The following GPHN variants were observed in gnomAD, a reference collection of about 807,000 sequenced individuals.
GPHN encodes gephyrin.
GPHN carries 17 observed loss-of-function variants against 95.5 expected under a neutral mutation model. The ratio of observed to expected loss-of-function variants is 0.18; its 90% confidence interval spans 0.12 to 0.27. The LOEUF is 0.27. Among genes scored for constraint, GPHN ranks in the 10% least tolerant of loss-of-function variants. The probability of loss-of-function intolerance (pLI) is 1.00; values close to 1 mark genes in which losing one functional copy is unlikely to be tolerated. For missense variants in GPHN, 660 were observed against 978.1 expected, an observed-to-expected ratio of 0.67 and a Z score of 4.34; for synonymous variants, 320 against 322.5, an observed-to-expected ratio of 0.99 and a Z score of 0.08.
chr14:67,232,985 A>G, the GPHN span, among the ~76,000 whole-genome samples: 1 of 152,172 alleles, frequency 6.6e-6, no homozygotes, highest in Non-Finnish European at 1.5e-5. Flanking sequence ...ATTTCCAAAT[A>G]TGGTTTTAAA....
the GPHN span, among the ~76,000 whole-genome samples, chr14:67,189,108 A>T: frequency 2.0e-5 from 3 of 152,222 alleles, no homozygotes; most frequent in Non-Finnish European, 2.9e-5. Flanking sequence ...GGATATAGGG[A>T]AAGTGAATAA....
chr14:67,609,096 T>C, the GPHN span, among the ~76,000 whole-genome samples: 1 of 151,986 alleles, frequency 6.6e-6, no homozygotes, highest in East Asian at 1.9e-4. Flanking sequence ...CAGCTATTAA[T>C]TGGCATTCCC....
At chr14:66,559,680 T>G (rs368641570) in intron 1 of GPHN, among the ~76,000 whole-genome samples, 2,011 of 151,886 alleles carry the variant, frequency 0.013, 23 homozygotes, top group Middle Eastern at 0.02. Flanking sequence ...TTTCTCCCAT[T>G]TTGTAGGTTG....
At chr14:67,126,152 T>G (rs2079303018) in intron 17 of GPHN, among the ~76,000 whole-genome samples, 2 of 152,206 alleles carry the variant, frequency 1.3e-5, no homozygotes, top group African/African-American at 2.4e-5. Context: ...TAAAATACAT[T>G]TCTTGTTTTC....
At chr14:67,570,464 A>G in the GPHN span, 1 of 189,604 alleles carries the variant, frequency 5.3e-6, no homozygotes, top group Non-Finnish European at 9.8e-6. Context: ...AATACTTGAT[A>G]AAATTTTTTA....
At chr14:67,235,012 T>C in the GPHN span, among the ~76,000 whole-genome samples, 4 of 151,802 alleles carry the variant, frequency 2.6e-5, no homozygotes, top group Non-Finnish European at 5.9e-5. Context: ...AAAAATTTGC[T>C]GAGCATGGTG....
intron 1 of GPHN, among the ~76,000 whole-genome samples, chr14:66,621,094 A>G (rs1345179248): frequency 6.6e-6 from 1 of 151,108 alleles, no homozygotes; most frequent in African/African-American, 2.4e-5. Context: ...CCTCCTGAGC[A>G]GCTGGGACTA....
chr14:66,901,771 T>C (rs1435363142), intron 5 of GPHN, among the ~76,000 whole-genome samples: 1 of 152,126 alleles, frequency 6.6e-6, no homozygotes, highest in African/African-American at 2.4e-5. Context: ...ATTTGGTTAC[T>C]ATAGCTTTGT....
chr14:67,424,896 A>G, the GPHN span, among the ~76,000 whole-genome samples: 2 of 152,160 alleles, frequency 1.3e-5, no homozygotes, highest in East Asian at 3.9e-4. Context: ...GAGCAGACCC[A>G]GTTTCCCTCA....
At position 66,618,938 on chromosome 14, in the gene GPHN, A is replaced by G. The variant is rs180901482; in HGVS notation, c.65-62169A>G. Among the ~76,000 whole-genome samples, 998 of 152,224 alleles carry G rather than the reference A, an allele frequency of 6.6e-3. 7 individuals carry two copies. Among genetic ancestry groups the G allele is most frequent in the Non-Finnish European group, 8.0e-3 (547 of 68,010 alleles). On this transcript the variant is annotated intron_variant, in intron 1 of 22. Transcript: ENST00000478722. ...TTCCCTTTTGTTCTCCCTTATCTCC[A>G]TCTATCACCAAACTGTATTTTCTTT...
At chr14:67,129,122 T>A (rs939625576) in intron 17 of GPHN, among the ~76,000 whole-genome samples, 2 of 145,962 alleles carry the variant, frequency 1.4e-5, no homozygotes, top group Non-Finnish European at 3.0e-5. Flanking sequence ...CCACTTCTAC[T>A]TTTTTTTTTT....
chr14:67,064,819 T>A (rs191872011), intron 11 of GPHN, among the ~76,000 whole-genome samples: 4 of 152,322 alleles, frequency 2.6e-5, no homozygotes, highest in Admixed American at 2.6e-4. Context: ...TTGGTTCTTA[T>A]CTCTTTTCTT....
intron 2 of GPHN, among the ~76,000 whole-genome samples, chr14:66,683,983 A>G (rs2067173586): frequency 6.6e-6 from 1 of 152,074 alleles, no homozygotes; most frequent in South Asian, 2.1e-4. Context: ...CTCAAAAAAA[A>G]AAAAAAACTC....
the GPHN span, chr14:67,585,861 T>C: frequency 7.3e-7 from 1 of 1,370,978 alleles, no homozygotes; most frequent in Non-Finnish European, 1.0e-6. Flanking sequence ...AGTTCTCCTT[T>C]CCTGTGCCTA....
At chr14:67,185,824 C>T (rs1026211209), downstream of GPHN, among the ~76,000 whole-genome samples, 1 of 151,894 alleles carries the variant, frequency 6.6e-6, no homozygotes, top group African/African-American at 2.4e-5. Flanking sequence ...TTCATGAAAC[C>T]CTAACAATGT....
chr14:67,338,459 A>T, the GPHN span: 5 of 743,254 alleles, frequency 6.7e-6, no homozygotes, highest in East Asian at 1.3e-4. Context: ...TTGCTAAATT[A>T]TGATTCTGCA....
At chr14:66,677,223 G>A (rs1257659966) in intron 1 of GPHN, among the ~76,000 whole-genome samples, 2 of 151,554 alleles carry the variant, frequency 1.3e-5, no homozygotes, top group Non-Finnish European at 2.9e-5. Flanking sequence ...TTTATCTTTC[G>A]ATAAAACCAG....
At chr14:66,611,683 G>T (rs1408430001) in intron 1 of GPHN, among the ~76,000 whole-genome samples, 1 of 152,140 alleles carries the variant, frequency 6.6e-6, no homozygotes, top group Non-Finnish European at 1.5e-5. Context: ...CTAAGGAGAA[G>T]AATCTCTGTG....
chr14:67,208,485 G>C, the GPHN span: 2 of 1,588,530 alleles, frequency 1.3e-6, no homozygotes, highest in Non-Finnish European at 1.7e-6. Context: ...GGAATTCTAA[G>C]ACATGAAATA....
Sources: allele counts gnomAD v4.1 joint callset (sites outside exome capture counted in the v4.1 genomes callset), GRCh38; gene constraint gnomAD v4.1.1; transcripts MANE v1.5; gene names NCBI Gene and HGNC (gene_info 2026-07-23, HGNC 2026-07-21).